DIMT1: variants seen among roughly 807,000 people sequenced by gnomAD.
The protein encoded by DIMT1 is DIM1 rRNA methyltransferase and ribosome maturation factor, also known as dimethyladenosine transferase.
DIMT1 carries 36 observed loss-of-function variants against 43.2 expected under a neutral mutation model. The observed-to-expected ratio is 0.83, with a 90% CI of 0.64 to 1.10. The LOEUF (loss-of-function observed/expected upper bound fraction) is 1.10. DIMT1 is among the 50% of genes least tolerant of loss of function. The pLI is 0.00. For synonymous variants in DIMT1, 126 were observed against 130.3 expected (o/e 0.97, Z 0.22); for missense variants, 341 against 385.3 (o/e 0.88, Z 0.96).
intron 10 of DIMT1, chr5:62,391,866 A>G: frequency 6.6e-7 from 1 of 1,514,276 alleles, no homozygotes; most frequent in Non-Finnish European, 8.8e-7. Flanking sequence ...TGCAAGCTAC[A>G]CATATCTACA....
chr5:62,391,953 T>G (rs781332835), intron 10 of DIMT1: 7 of 1,536,914 alleles, frequency 4.6e-6, no homozygotes, highest in Non-Finnish European at 1.7e-6. Context: ...GAGGACAGGG[T>G]GGAGTAATCA....
In DIMT1 at chr5:62,392,687, G is replaced by A. The variant is rs16890719; in HGVS notation, c.728+239C>T. The A allele has an allele frequency of 6.5e-3, 2,736 of 418,798 alleles. 65 individuals carry two copies. Among genetic ancestry groups the A allele is most frequent in the African/African-American group, 0.051 (2,476 of 48,704 alleles). The allele number at this position is 418,798 out of a possible 1,614,324, so 25.9% of individuals were successfully genotyped here. ...AAAAACTAGAGCAGATATATGGTCAGAGTTTGGGAGTGTTTTCCTGTTTTG... is the reference window on the plus strand; with the variant it reads ...AAAAACTAGAGCAGATATATGGTCAAAGTTTGGGAGTGTTTTCCTGTTTTG... On this transcript the variant is annotated intron_variant, in intron 9 of 11. Coordinates refer to ENST00000199320, the MANE Select transcript of DIMT1 (RefSeq NM_014473.4).
chr5:62,388,709 T>C lies in DIMT1; in HGVS notation c.*301A>G. 3 of 347,648 alleles carry C rather than the reference T, an allele frequency of 8.6e-6. No homozygotes were observed. The highest frequency in any genetic ancestry group is 1.6e-5 in the Non-Finnish European group (3 of 190,010). 21.5% of individuals were successfully genotyped at this position (347,648 alleles called of 1,614,324 possible). On this transcript the variant is annotated 3_prime_UTR_variant, in exon 12 of 12. Transcript: ENST00000199320. ...CAGTATATAACAGTAAATAGAAGAG[T>C]AACATCTTTATACAATAAACTGTTA...
rs1474227800 is a variant in DIMT1 at position 62,387,776 on chromosome 5, ATTTG to A, written c.*1230_*1233del. 6.6e-6 allele frequency: 1 copy of A among 152,010 alleles called. No individual in the cohort carries two copies. The highest frequency in any genetic ancestry group is 1.9e-4 in the East Asian group (1 of 5,192). The allele number at this position is 152,010 out of a possible 1,614,324, so 9.4% of individuals were successfully genotyped here. A position where few individuals can be genotyped will look rare whatever the true frequency, so the allele number is the denominator to read the frequency against. ...CTACTCTTAATGTATATTATTTCAT[ATTTG>A]TTTAACAAAAGCAGCTTGATGCCTT... On this transcript the variant is annotated 3_prime_UTR_variant, in exon 12 of 12. Coordinates refer to ENST00000199320, the MANE Select transcript of DIMT1 (RefSeq NM_014473.4).
intron 6 of DIMT1, among the ~76,000 whole-genome samples, chr5:62,397,588 C>T (rs562094418): frequency 2.0e-5 from 3 of 152,270 alleles, no homozygotes; most frequent in African/African-American, 7.2e-5. Context: ...ATTGTCTCAG[C>T]CCTTCTTAAA....
rs530531576 is a variant in DIMT1 at position 62,403,719 on chromosome 5, C to G, written c.54G>C (p.Gln18His). 2.7e-5 allele frequency: 43 copies of G among 1,609,986 alleles called. No individual in the cohort carries two copies. The African/African-American group carries it at 5.2e-4, about 19-fold the overall frequency. Residue 18 changes from glutamine to histidine, a missense_variant, in exon 1 of 12, where the codon CAG (glutamine) becomes CAC (histidine). Coordinates refer to ENST00000199320, the MANE Select transcript of DIMT1 (RefSeq NM_014473.4). ...AIGRRRGRQE[Q>H]RRELKSAGGL... is the part of the protein sequence containing the mutation. ...CTCCAGCGCTCTTCAGCTCCCGGCG[C>G]TGCTCCTGCCGCCCGCGGCGGCGGC...
chr5:62,389,622 T>G (rs894214534), intron 11 of DIMT1, among the ~76,000 whole-genome samples: 3 of 152,162 alleles, frequency 2.0e-5, no homozygotes, highest in Non-Finnish European at 4.4e-5. Flanking sequence ...TCTTAGACTT[T>G]CATTATCCCA....
At chr5:62,394,363 G>T in intron 7 of DIMT1, 121 bp downstream of exon 7, 1 of 1,082,364 alleles carries the variant, frequency 9.2e-7, no homozygotes, top group Non-Finnish European at 1.4e-6. Flanking sequence ...AGCTACTCGG[G>T]ACTCGAGAAG....
intron 10 of DIMT1, 59 bp from the exon 11 acceptor site, chr5:62,391,041 T>A: frequency 2.1e-6 from 3 of 1,429,754 alleles, no homozygotes; most frequent in South Asian, 1.2e-5. Context: ...TCACCTTGAC[T>A]CTTTTTTTTA....
At chr5:62,398,352 C>T (rs1742574698) in intron 6 of DIMT1, 159 bp downstream of exon 6, 1 of 693,606 alleles carries the variant, frequency 1.4e-6, no homozygotes, top group Non-Finnish European at 2.5e-6. Context: ...CCCAAATAAC[C>T]TCTCAATTAA....
At position 62,400,738 on chromosome 5, in the gene DIMT1, TG is replaced by T. The variant is rs530299692; in HGVS notation, c.240+1297del. Among the ~76,000 whole-genome samples, 63 of 152,172 alleles carry T rather than the reference TG, an allele frequency of 4.1e-4. 2 individuals carry two copies. The highest frequency in any genetic ancestry group is 1.5e-3 in the African/African-American group (62 of 41,524). On this transcript the variant is annotated intron_variant, in intron 3 of 11. Transcript: ENST00000199320. Reference sequence around the variant, plus strand: ...TAAACAATGTGTTTCTTACTCTGTTTGGCTCCCAGATCTATCTTTAGTTTTA... The same window carrying T: ...TAAACAATGTGTTTCTTACTCTGTTTGCTCCCAGATCTATCTTTAGTTTTA...
chr5:62,393,532 G>A (rs904941080), intron 8 of DIMT1, among the ~76,000 whole-genome samples: 4 of 152,132 alleles, frequency 2.6e-5, no homozygotes, highest in African/African-American at 9.7e-5. Flanking sequence ...CCTCCTTGAA[G>A]GAGTTATTGA....
rs1391244099 is a variant in DIMT1, at chr5:62,387,664, G to A, written c.*1346C>T. 1 of 152,106 alleles carries A rather than the reference G, an allele frequency of 6.6e-6. No homozygotes were observed. Among genetic ancestry groups the A allele is most frequent in the African/African-American group, 2.4e-5 (1 of 41,438 alleles). The allele number at this position is 152,106 out of a possible 1,614,324, so 9.4% of individuals were successfully genotyped here. On this transcript the variant is annotated 3_prime_UTR_variant, in exon 12 of 12. Coordinates refer to ENST00000199320, the MANE Select transcript of DIMT1 (RefSeq NM_014473.4). Reference sequence around the variant, plus strand: ...TAGAGGGAAATAACCTGAGAAAGCCGAGTTAAATCTTAAAATTTTTACTAT... The same window carrying A: ...TAGAGGGAAATAACCTGAGAAAGCCAAGTTAAATCTTAAAATTTTTACTAT...
At position 62,403,804 on chromosome 5, in the gene DIMT1, C is replaced by T; in HGVS notation, c.-32G>A. ...AGAAAGCGGGCCCACAGGCCCGGGA[C>T]GTCAAGGAGGACCAAAGAGGGCTAG... On this transcript the variant is annotated 5_prime_UTR_variant, in exon 1 of 12. Coordinates refer to ENST00000199320, the MANE Select transcript of DIMT1 (RefSeq NM_014473.4). 1 of 1,603,046 alleles carries T rather than the reference C, an allele frequency of 6.2e-7. No homozygotes were observed. Among genetic ancestry groups the T allele is most frequent in the Non-Finnish European group, 8.5e-7 (1 of 1,175,212 alleles).
chr5:62,402,110 G>T lies in DIMT1; in HGVS notation c.166C>A (p.Pro56Thr), dbSNP rs565838505. 1 of 1,613,824 alleles carries T rather than the reference G, an allele frequency of 6.2e-7. No homozygotes were observed. The highest frequency in any genetic ancestry group is 1.1e-5 in the South Asian group (1 of 91,064). The stretch of plus-strand genomic sequence containing the variant: ...CCAACTTCCAGCACTACATCAGTTG[G>T]TCTTAAGGCAGCCTAAAAGCAAGCA... Reference protein sequence around the residue: ...NSIIDKAALRPTDVVLEVGPG... With the variant: ...NSIIDKAALRTTDVVLEVGPG... The change falls in exon 3 of 12, where the codon CCA becomes ACA. Residue 56 changes from proline (P) to threonine (T), a missense_variant. By Grantham distance (38) the Pro-to-Thr change is conservative. Transcript: ENST00000199320.
chr5:62,403,717 C>T lies in DIMT1; in HGVS notation c.56G>A (p.Arg19His), dbSNP rs758921252. Residue 19 changes from arginine to histidine, a missense_variant, in exon 1 of 12, where the codon CGC becomes CAC. Transcript: ENST00000199320. The part of the protein sequence containing the change: ...IGRRRGRQEQ[R>H]RELKSAGGLM... ...ACCTCCAGCGCTCTTCAGCTCCCGGCGCTGCTCCTGCCGCCCGCGGCGGCG... is the reference window on the plus strand; with the variant it reads ...ACCTCCAGCGCTCTTCAGCTCCCGGTGCTGCTCCTGCCGCCCGCGGCGGCG... The T allele has an allele frequency of 2.3e-5, 37 of 1,609,758 alleles. No individual in the cohort carries two copies. The highest frequency in any genetic ancestry group is 1.7e-4 in the Middle Eastern group (1 of 6,056).
intron 6 of DIMT1, among the ~76,000 whole-genome samples, chr5:62,395,168 GC>G (rs1390724509): frequency 6.6e-6 from 1 of 151,970 alleles, no homozygotes; most frequent in African/African-American, 2.4e-5. Flanking sequence ...GGGATTACAG[GC>G]GCACACTACC....
At chr5:62,396,779 C>T (rs1468412748) in intron 6 of DIMT1, among the ~76,000 whole-genome samples, 3 of 152,088 alleles carry the variant, frequency 2.0e-5, no homozygotes, top group Non-Finnish European at 4.4e-5. Flanking sequence ...CAAAAAAAAA[C>T]TGTTGCTATG....
At chr5:62,398,479 T>C in intron 6 of DIMT1, 32 bp downstream of exon 6, 1 of 1,604,826 alleles carries the variant, frequency 6.2e-7, no homozygotes, top group Non-Finnish European at 8.5e-7. Context: ...TCTTTCAAAA[T>C]TTGGCAGTAA....
Sources: allele counts gnomAD v4.1 joint callset (sites outside exome capture counted in the v4.1 genomes callset), GRCh38; gene constraint gnomAD v4.1.1; transcripts MANE v1.5; gene names NCBI Gene and HGNC (gene_info 2026-07-23, HGNC 2026-07-21).